The following DRC11 variants were observed in gnomAD, a reference collection of about 807,000 sequenced individuals.
DRC11 encodes IQ and AAA domain-containing protein 1.
chr2:236,491,233 A>ACAG, the DRC11 span, among the ~76,000 whole-genome samples: 24 of 69,378 alleles, frequency 3.5e-4, 1 homozygote, highest in Non-Finnish European at 6.3e-4. Context: ...ATATATATAT[A>ACAG]TATATATACA....
At chr2:236,417,569 T>A in the DRC11 span, among the ~76,000 whole-genome samples, 1 of 151,834 alleles carries the variant, frequency 6.6e-6, no homozygotes, top group Non-Finnish European at 1.5e-5. Context: ...CTTTTTTTTT[T>A]TTTTATATTA....
the DRC11 span, among the ~76,000 whole-genome samples, chr2:236,459,600 CATATATACGTATATAAGTAT>C: frequency 9.7e-6 from 1 of 102,634 alleles, no homozygotes; most frequent in African/African-American, 3.5e-5. Flanking sequence ...TATACGTATA[CATATATACGTATATAAGTAT>C]ATACATACGT....
chr2:236,399,509 T>G, the DRC11 span: 2 of 1,607,164 alleles, frequency 1.2e-6, no homozygotes, highest in Middle Eastern at 1.7e-4. The surrounding 1 kb of genome is among the most constrained non-coding windows in gnomAD (Gnocchi z 7.0). Context: ...CAGAATATTT[T>G]CGTTAATCTC....
At chr2:236,507,257 G>A in the DRC11 span, 13 of 1,613,864 alleles carry the variant, frequency 8.1e-6, no homozygotes, top group African/African-American at 4.0e-5. Context: ...CATCACTTAC[G>A]CGTTCGACAT....
the DRC11 span, among the ~76,000 whole-genome samples, chr2:236,436,511 A>G: frequency 6.6e-6 from 1 of 152,268 alleles, no homozygotes; most frequent in African/African-American, 2.4e-5. Context: ...TTTGTTTTGT[A>G]TAATAAGGAA....
At chr2:236,339,116 C>T in the DRC11 span, among the ~76,000 whole-genome samples, 1 of 152,284 alleles carries the variant, frequency 6.6e-6, no homozygotes, top group East Asian at 1.9e-4. Flanking sequence ...AGAGACTTCC[C>T]AAGCACAGTC....
the DRC11 span, among the ~76,000 whole-genome samples, chr2:236,491,232 T>C: frequency 0.011 from 729 of 68,200 alleles, 64 homozygotes; most frequent in Non-Finnish European, 0.018. Context: ...TATATATATA[T>C]ATATATATAC....
At chr2:236,392,159 G>A in the DRC11 span, 1 of 1,498,370 alleles carries the variant, frequency 6.7e-7, no homozygotes, top group Non-Finnish European at 9.3e-7. This position sits in a 1 kb window ranked among gnomAD's most constrained non-coding sequence, Gnocchi z 5.1. Flanking sequence ...TAAATTATGG[G>A]GTAGGTCATT....
At chr2:236,401,273 C>A in the DRC11 span, among the ~76,000 whole-genome samples, 1 of 152,146 alleles carries the variant, frequency 6.6e-6, no homozygotes, top group Non-Finnish European at 1.5e-5. The surrounding 1 kb of genome is among the most constrained non-coding windows in gnomAD (Gnocchi z 4.6). Flanking sequence ...GCCCTGCTGT[C>A]CTGTCCGCTT....
At chr2:236,386,606 A>G in the DRC11 span, among the ~76,000 whole-genome samples, 1 of 152,138 alleles carries the variant, frequency 6.6e-6, no homozygotes, top group Non-Finnish European at 1.5e-5. Context: ...ATCCTTTCAA[A>G]AAACCAGCTC....
At chr2:236,318,549 G>A in the DRC11 span, among the ~76,000 whole-genome samples, 1 of 147,500 alleles carries the variant, frequency 6.8e-6, no homozygotes, top group East Asian at 2.0e-4. The surrounding 1 kb of genome is among the most constrained non-coding windows in gnomAD (Gnocchi z 7.0). Flanking sequence ...GTATATGAGT[G>A]TGTGTAGGGA....
chr2:236,431,126 C>T, the DRC11 span, among the ~76,000 whole-genome samples: 2 of 152,192 alleles, frequency 1.3e-5, no homozygotes, highest in African/African-American at 4.8e-5. The surrounding 1 kb of genome is among the most constrained non-coding windows in gnomAD (Gnocchi z 4.2). Context: ...TCCACTACCA[C>T]AAATCAGTTT....
the DRC11 span, among the ~76,000 whole-genome samples, chr2:236,421,433 T>C: frequency 1.3e-5 from 2 of 152,006 alleles, no homozygotes; most frequent in African/African-American, 4.8e-5. Flanking sequence ...TATAAACACC[T>C]TTATGCAAAT....
chr2:236,367,110 A>G, the DRC11 span, among the ~76,000 whole-genome samples: 27,832 of 150,070 alleles, frequency 0.19, 2,843 homozygotes, highest in Non-Finnish European at 0.23. This position sits in a 1 kb window ranked among gnomAD's most constrained non-coding sequence, Gnocchi z 4.8. Flanking sequence ...GTGAGCCACT[A>G]TGCCTGGCTC....
At chr2:236,452,384 T>C in the DRC11 span, among the ~76,000 whole-genome samples, 2 of 152,192 alleles carry the variant, frequency 1.3e-5, no homozygotes, top group East Asian at 1.9e-4. The surrounding 1 kb of genome is among the most constrained non-coding windows in gnomAD (Gnocchi z 4.7). Context: ...TTTCATCAAG[T>C]ATGAAAAATA....
the DRC11 span, among the ~76,000 whole-genome samples, chr2:236,474,105 G>A: frequency 6.6e-6 from 1 of 152,034 alleles, no homozygotes; most frequent in Admixed American, 6.5e-5. Flanking sequence ...TTTAAAAATG[G>A]TTTCCAGCCA....
the DRC11 span, among the ~76,000 whole-genome samples, chr2:236,446,813 A>G: frequency 1.2e-4 from 18 of 152,174 alleles, no homozygotes; most frequent in African/African-American, 4.3e-4. This position sits in a 1 kb window ranked among gnomAD's most constrained non-coding sequence, Gnocchi z 6.2. Flanking sequence ...CTGTCTGCCC[A>G]TGTGTCCCAG....
the DRC11 span, among the ~76,000 whole-genome samples, chr2:236,307,956 TC>T: frequency 6.9e-6 from 1 of 145,938 alleles, no homozygotes; most frequent in Non-Finnish European, 1.5e-5. This position sits in a 1 kb window ranked among gnomAD's most constrained non-coding sequence, Gnocchi z 7.0. Context: ...GACACAAGCG[TC>T]CTCGTGTGCT....
the DRC11 span, among the ~76,000 whole-genome samples, chr2:236,383,049 G>C: frequency 1.3e-5 from 2 of 152,186 alleles, no homozygotes. Flanking sequence ...AGTTTATTAG[G>C]TTTCCACTAA....
Sources: allele counts gnomAD v4.1 joint callset (sites outside exome capture counted in the v4.1 genomes callset), GRCh38; gene constraint gnomAD v4.1.1; non-coding constraint Gnocchi (gnomAD v3.1); transcripts MANE v1.5; gene names NCBI Gene and HGNC (gene_info 2026-07-23, HGNC 2026-07-21).